The following PHF2 variants were observed in gnomAD, a reference collection of about 807,000 sequenced individuals.
PHF2 encodes the protein lysine-specific demethylase PHF2.
In PHF2, 27 loss-of-function variants were observed where a neutral mutation model predicts 120.5. That is an observed-to-expected ratio of 0.22 (90% CI 0.17 to 0.31). The LOEUF (loss-of-function observed/expected upper bound fraction) is 0.31, where lower values mean the gene tolerates loss of function less well. Ranked by LOEUF, PHF2 falls within the 10% of genes least tolerant of loss-of-function variation. PHF2 has a pLI of 1.00. For missense variants in PHF2, 1,024 were observed against 1,434.8 expected (o/e 0.71, Z 4.63); for synonymous variants, 568 against 592.5 (o/e 0.96, Z 0.60).
intron 1 of PHF2, among the ~76,000 whole-genome samples, chr9:93,614,268 G>A (rs1210177424): frequency 1.3e-5 from 2 of 152,216 alleles, no homozygotes; most frequent in African/African-American, 2.4e-5. Context: ...CAGGAGCAGG[G>A]CATTTTCCAG....
chr9:93,650,737 C>T (rs748949377), intron 5 of PHF2, among the ~76,000 whole-genome samples: 2 of 152,280 alleles, frequency 1.3e-5, no homozygotes, highest in East Asian at 1.9e-4. Context: ...CCCTCACCCC[C>T]GCTCCATCAC....
chr9:93,660,427 A>G lies in PHF2; in HGVS notation c.1565A>G (p.Lys522Arg). 6.5e-7 allele frequency: 1 copy of G among 1,550,052 alleles called. No individual in the cohort carries two copies. Among genetic ancestry groups the G allele is most frequent in the Non-Finnish European group, 8.7e-7 (1 of 1,147,610 alleles). Residue 522 changes from lysine (K) to arginine (R), a missense_variant, in exon 12 of 22, where the codon AAG becomes AGG. Lys to Arg is a conservative substitution (Grantham distance 26, BLOSUM62 2). Transcript: ENST00000359246. ...PKPPRPPKTL[K>R]LKDGGKKKGK... Reference sequence around the variant, plus strand: ...CCCCCAAGGCCCCCCAAAACGCTGAAGCTCAAAGATGGAGGCAAGAAGAAA... The same window carrying G: ...CCCCCAAGGCCCCCCAAAACGCTGAGGCTCAAAGATGGAGGCAAGAAGAAA...
chr9:93,637,456 C>T (rs930692213), intron 3 of PHF2, among the ~76,000 whole-genome samples: 21 of 152,106 alleles, frequency 1.4e-4, no homozygotes, highest in Non-Finnish European at 2.9e-4. Context: ...ATACATCATC[C>T]CTGTCTTCTC....
At chr9:93,627,068 A>G (rs1287854830) in intron 1 of PHF2, among the ~76,000 whole-genome samples, 1 of 152,224 alleles carries the variant, frequency 6.6e-6, no homozygotes, top group Admixed American at 6.5e-5. Flanking sequence ...TAGGGATTGC[A>G]TTGAATCTGT....
intron 1 of PHF2, among the ~76,000 whole-genome samples, chr9:93,623,693 C>T (rs1291891275): frequency 6.6e-6 from 1 of 152,202 alleles, no homozygotes; most frequent in South Asian, 2.1e-4. Context: ...GAAAAATATT[C>T]CCTCATGTTG....
chr9:93,669,918 A>C (rs184517999), intron 17 of PHF2, among the ~76,000 whole-genome samples: 2 of 152,304 alleles, frequency 1.3e-5, no homozygotes, highest in East Asian at 3.9e-4. Flanking sequence ...ACAGGCATGC[A>C]GAGCTGGGTG....
chr9:93,619,429 G>A lies in PHF2; in HGVS notation c.99-10541G>A, dbSNP rs143533835. Among the ~76,000 whole-genome samples, 622 of 152,358 alleles carry A rather than the reference G, an allele frequency of 4.1e-3. 3 individuals are homozygous for A. The highest frequency in any genetic ancestry group is 0.014 in the African/African-American group (591 of 41,586). ...TTTGCTCCGCTGACCTTGCCTGTAC[G>A]AGGCTGAGCATTCCAAGTGTCCTCA... On this transcript the variant is annotated intron_variant, in intron 1 of 21. Transcript: ENST00000359246.
intron 12 of PHF2, 21 bp downstream of exon 12, chr9:93,660,581 C>T (rs1301445913): frequency 3.3e-6 from 5 of 1,525,172 alleles, no homozygotes; most frequent in African/African-American, 1.4e-5. Context: ...CTCACCCTGA[C>T]TCCCCACCTT....
intron 14 of PHF2, 71 bp downstream of exon 14, chr9:93,663,706 T>C (rs1826622672): frequency 3.7e-6 from 3 of 813,806 alleles, no homozygotes; most frequent in Non-Finnish European, 4.2e-6. Flanking sequence ...ACATACTGCA[T>C]CACACCCACT....
At chr9:93,593,380 C>T (rs1247946808) in intron 1 of PHF2, among the ~76,000 whole-genome samples, 3 of 152,164 alleles carry the variant, frequency 2.0e-5, no homozygotes, top group East Asian at 3.9e-4. Context: ...TACATTTGCT[C>T]TCTGGTCAAA....
chr9:93,676,707 GCCAGCCTCTACCACC>G lies in PHF2; in HGVS notation c.2949_2963del (p.Thr992_Thr996del), dbSNP rs774951624. The G allele has an allele frequency of 3.2e-6, 2 of 629,500 alleles. No homozygotes were observed. Among genetic ancestry groups the G allele is most frequent in the South Asian group, 3.2e-5 (2 of 62,462 alleles). 39.0% of individuals were successfully genotyped at this position (629,500 alleles called of 1,614,324 possible). A position where few individuals can be genotyped will look rare whatever the true frequency, so the allele number is the denominator to read the frequency against. ...CCGGCACCACCTCCACCTCCACCAC[GCCAGCCTCTACCACC>G]CCGGCCTCCACCACCCCGGCCTCCA... On this transcript the variant is annotated inframe_deletion, in exon 21 of 22. Coordinates refer to ENST00000359246, the MANE Select transcript of PHF2 (RefSeq NM_005392.4).
chr9:93,640,350 T>C (rs191344525), intron 3 of PHF2, among the ~76,000 whole-genome samples: 4 of 152,220 alleles, frequency 2.6e-5, no homozygotes, highest in African/African-American at 9.6e-5. Flanking sequence ...TCTTCTACAT[T>C]TCTTGGATAT....
At chr9:93,588,139 A>G (rs952542549) in intron 1 of PHF2, among the ~76,000 whole-genome samples, 1 of 152,202 alleles carries the variant, frequency 6.6e-6, no homozygotes, top group African/African-American at 2.4e-5. Context: ...AGCTGGGGGC[A>G]GAACCACAGC....
intron 1 of PHF2, among the ~76,000 whole-genome samples, chr9:93,618,614 T>G (rs1825765345): frequency 6.6e-6 from 1 of 152,268 alleles, no homozygotes; most frequent in Non-Finnish European, 1.5e-5. Context: ...ATGATGTTCT[T>G]CACTTAACAA....
intron 1 of PHF2, among the ~76,000 whole-genome samples, chr9:93,614,983 GTGA>G (rs766510334): frequency 4.4e-4 from 67 of 151,164 alleles, no homozygotes; most frequent in Middle Eastern, 3.4e-3. Context: ...GACGGTAATG[GTGA>G]TGATGATGAT....
At chr9:93,671,295 TGTG>T (rs1826784623) in intron 17 of PHF2, 1 of 744,020 alleles carries the variant, frequency 1.3e-6, no homozygotes, top group Non-Finnish European at 1.6e-6. Flanking sequence ...CAGATGCAGA[TGTG>T]GGTGTGGGAG....
At chr9:93,617,253 G>C (rs1445157367) in intron 1 of PHF2, among the ~76,000 whole-genome samples, 1 of 152,200 alleles carries the variant, frequency 6.6e-6, no homozygotes, top group Admixed American at 6.5e-5. Flanking sequence ...CTGCAGCAGG[G>C]CCGCAGCTCC....
intron 19 of PHF2, among the ~76,000 whole-genome samples, 171 bp downstream of exon 19, chr9:93,675,193 G>A (rs770515192): frequency 6.6e-6 from 1 of 152,178 alleles, no homozygotes; most frequent in African/African-American, 2.4e-5. Context: ...CAGGAGTGCC[G>A]TGGGCTTCAC....
At chr9:93,652,326 ACTCTG>A (rs948310230) in intron 5 of PHF2, among the ~76,000 whole-genome samples, 1 of 122,028 alleles carries the variant, frequency 8.2e-6, no homozygotes, top group Non-Finnish European at 1.6e-5. Context: ...ATGGAGTCTC[ACTCTG>A]TTGCCCAGGC....
Sources: allele counts gnomAD v4.1 joint callset (sites outside exome capture counted in the v4.1 genomes callset), GRCh38; gene constraint gnomAD v4.1.1; transcripts MANE v1.5; gene names NCBI Gene and HGNC (gene_info 2026-07-23, HGNC 2026-07-21).